KATNAL2: variants seen among roughly 807,000 people sequenced by gnomAD.
The protein encoded by KATNAL2 is katanin catalytic subunit A1 like 2, also known as katanin p60 ATPase-containing subunit A-like 2.
A neutral mutation model predicts 76.3 loss-of-function variants in KATNAL2; 52 were observed. The observed-to-expected ratio is 0.68, with a 90% CI of 0.55 to 0.86. The LOEUF is 0.86. Among genes scored for constraint, KATNAL2 ranks in the 40% least tolerant of loss-of-function variants. KATNAL2 has a pLI of 0.00. For synonymous variants in KATNAL2, 243 were observed against 244.2 expected, an observed-to-expected ratio of 1.00 and a Z score of 0.05; for missense variants, 660 against 668.9, an observed-to-expected ratio of 0.99 and a Z score of 0.15.
intron 3 of KATNAL2, among the ~76,000 whole-genome samples, chr18:47,025,586 C>T (rs2060287344): frequency 6.6e-6 from 1 of 151,444 alleles, no homozygotes; most frequent in Non-Finnish European, 1.5e-5. Context: ...GCCTGAGAAT[C>T]GGGGAATGGG....
At chr18:47,034,596 G>A in intron 3 of KATNAL2, 2 of 1,614,178 alleles carry the variant, frequency 1.2e-6, no homozygotes, top group Non-Finnish European at 1.7e-6. Context: ...GCCCCTTGCT[G>A]TGGCTCACAA....
chr18:46,944,903 G>A (rs2059343787), intron 1 of KATNAL2, among the ~76,000 whole-genome samples: 1 of 152,008 alleles, frequency 6.6e-6, no homozygotes, highest in Admixed American at 6.6e-5. Flanking sequence ...CTCCAGCCTG[G>A]GCAACAGAGC....
chr18:47,038,908 C>T (rs951589140), intron 3 of KATNAL2, among the ~76,000 whole-genome samples: 1 of 152,158 alleles, frequency 6.6e-6, no homozygotes, highest in African/African-American at 2.4e-5. Flanking sequence ...GCCTGTATTA[C>T]TCTTCTGTTC....
At position 47,030,879 on chromosome 18, in the gene KATNAL2, TGGA is replaced by T. The variant is rs2060376171; in HGVS notation, c.52-15576_52-15574del. ...GGCATGATCAGGAACACTGTCGTGG[TGGA>T]GAAGAAGTCTCTGGTGGGGACCTTC... On this transcript the variant is annotated intron_variant, in intron 3 of 17. Transcript: ENST00000683218. 1.5e-4 allele frequency among the ~76,000 whole-genome samples: 4 copies of T among 26,296 alleles called. No homozygotes were observed. In the South Asian group the frequency reaches 7.7e-3, roughly 50 times the overall value. The allele number at this position is 26,296 out of a possible 152,430, so 17.3% of individuals were successfully genotyped here. A position where few individuals can be genotyped will look rare whatever the true frequency, so the allele number is the denominator to read the frequency against.
chr18:47,079,816 G>A (rs1568007272), intron 15 of KATNAL2, among the ~76,000 whole-genome samples: 1 of 152,112 alleles, frequency 6.6e-6, no homozygotes, highest in Non-Finnish European at 1.5e-5. Flanking sequence ...ATTATATTCA[G>A]GATCAATAGA....
Position 47,067,110 on chromosome 18 carries a change from T to C in KATNAL2, c.816T>C (p.Tyr272=), listed in dbSNP as rs2061838151. ...AKQLVKEAVV[Y]PIRYPQLFTG... ...AGTTAGTCAAAGAAGCTGTTGTGTA[T>C]CCTATAAGGGTAAGGACGGGAAGCC... Residue 272 remains tyrosine (Y), a synonymous_variant, in exon 11 of 18, where the codon TAT becomes TAC. Transcript: ENST00000683218. 6.4e-7 allele frequency: 1 copy of C among 1,564,598 alleles called. No homozygotes were observed. The highest frequency in any genetic ancestry group is 2.3e-5 in the East Asian group (1 of 44,226).
intron 10 of KATNAL2, among the ~76,000 whole-genome samples, chr18:47,064,565 A>G (rs1255375298): frequency 3.9e-5 from 6 of 152,122 alleles, no homozygotes; most frequent in Non-Finnish European, 7.4e-5. Flanking sequence ...AGTGAGATGA[A>G]TGAATAGCAA....
intron 4 of KATNAL2, 134 bp from the exon 5 acceptor site, chr18:47,052,746 C>T: frequency 1.7e-6 from 1 of 585,868 alleles, no homozygotes; most frequent in South Asian, 3.1e-5. Context: ...CTCCTATGCA[C>T]ATACTAGTTT....
chr18:46,938,969 T>G (rs2059167229), intron 1 of KATNAL2, among the ~76,000 whole-genome samples: 5 of 152,168 alleles, frequency 3.3e-5, no homozygotes. Flanking sequence ...ATAAGTTCAG[T>G]GAAGGCAGGG....
chr18:46,928,554 G>T (rs1469137693), intron 1 of KATNAL2, among the ~76,000 whole-genome samples: 2 of 152,170 alleles, frequency 1.3e-5, no homozygotes, highest in African/African-American at 2.4e-5. Flanking sequence ...AGGAGGCAGT[G>T]TGCCTGATTT....
chr18:47,058,640 C>G (rs1187988569), intron 7 of KATNAL2, among the ~76,000 whole-genome samples: 1 of 144,482 alleles, frequency 6.9e-6, no homozygotes, highest in Non-Finnish European at 1.6e-5. Context: ...CCAGTCAGAG[C>G]GGGAAGGCCT....
intron 15 of KATNAL2, chr18:47,098,203 CAG>C (rs1568030117): frequency 8.3e-6 from 3 of 360,432 alleles, no homozygotes; most frequent in Non-Finnish European, 1.6e-5. Flanking sequence ...AGCCTGGCGA[CAG>C]AGCAAGACTC....
intron 15 of KATNAL2, among the ~76,000 whole-genome samples, chr18:47,081,977 G>C (rs1271802938): frequency 6.6e-6 from 1 of 152,068 alleles, no homozygotes; most frequent in Non-Finnish European, 1.5e-5. Flanking sequence ...TAATATATTT[G>C]ATTTTATATT....
intron 15 of KATNAL2, among the ~76,000 whole-genome samples, chr18:47,096,291 G>A (rs759309049): frequency 7.2e-5 from 11 of 152,174 alleles, no homozygotes; most frequent in Non-Finnish European, 1.5e-5. Context: ...GTGTTTTTAT[G>A]AGTGAGAAAT....
At chr18:47,073,485 T>A (rs554098410) in intron 13 of KATNAL2, among the ~76,000 whole-genome samples, 1 of 152,354 alleles carries the variant, frequency 6.6e-6, no homozygotes, top group Admixed American at 6.5e-5. Flanking sequence ...GATCCTCAAC[T>A]GGACAATCTT....
chr18:47,059,802 G>C (rs954253006), intron 8 of KATNAL2, 148 bp downstream of exon 8: 1 of 603,910 alleles, frequency 1.7e-6, no homozygotes, highest in African/African-American at 1.9e-5. Context: ...AAGAGCGTCA[G>C]AAAATGGGTT....
chr18:47,045,360 C>G (rs935761306), intron 3 of KATNAL2, among the ~76,000 whole-genome samples: 5 of 136,296 alleles, frequency 3.7e-5, no homozygotes, highest in African/African-American at 5.4e-5. Flanking sequence ...GAGTCTTACT[C>G]TGTCACCCAG....
intron 3 of KATNAL2, among the ~76,000 whole-genome samples, chr18:46,960,170 C>G (rs1569024020): frequency 6.6e-6 from 1 of 152,170 alleles, no homozygotes; most frequent in Non-Finnish European, 1.5e-5. Context: ...GGCACTGTGG[C>G]TCATGCCTAT....
At chr18:47,066,159 TA>T (rs1476425695) in intron 10 of KATNAL2, among the ~76,000 whole-genome samples, 4 of 151,716 alleles carry the variant, frequency 2.6e-5, no homozygotes, top group African/African-American at 9.7e-5. Flanking sequence ...TATATAAATA[TA>T]ATAATTAGTT....
Sources: gnomAD v4.1 joint callset for allele counts (sites outside exome capture counted in the v4.1 genomes callset) on GRCh38, gnomAD v4.1.1 for gene constraint, MANE v1.5 for transcripts, NCBI Gene and HGNC (gene_info 2026-07-23, HGNC 2026-07-21) for gene names.